Variants in CDRT4 observed in about 807,000 individuals in gnomAD.
CDRT4 encodes CMT1A duplicated region transcript 4.
For synonymous variants in CDRT4, 64 were observed against 69.6 expected (o/e 0.92, Z 0.40); for missense variants, 167 against 193.1 (o/e 0.87, Z 0.80).
chr17:15,447,052 T>G (rs1979058926), intron 2 of CDRT4, among the ~76,000 whole-genome samples: 1 of 152,154 alleles, frequency 6.6e-6, no homozygotes, highest in Non-Finnish European at 1.5e-5. Flanking sequence ...GCCTCTTACT[T>G]TGGGATCTAC....
At chr17:15,452,708 G>A (rs941037087) in intron 2 of CDRT4, 2 of 152,204 alleles carry the variant, frequency 1.3e-5, no homozygotes, top group African/African-American at 2.4e-5. Flanking sequence ...CTTCCAGGAC[G>A]GCTCCAGTGA....
rs576928505 is a variant in CDRT4, at chr17:15,437,639, C to T, written c.*134G>A. 8 of 936,472 alleles carry T rather than the reference C, an allele frequency of 8.5e-6. No individual in the cohort carries two copies. Among genetic ancestry groups the T allele is most frequent in the Admixed American group, 2.7e-5 (1 of 37,720 alleles). The allele number at this position is 936,472 out of a possible 1,614,324, so 58.0% of individuals were successfully genotyped here. On this transcript the variant is annotated 3_prime_UTR_variant, in exon 4 of 4. Transcript: ENST00000619038. ...GATCTGGTTTCTCTTAGCCAAGCTC[C>T]GCATGAGCAAGAGCAAGTTCAGATT...
chr17:15,454,257 C>A (rs771008809), intron 1 of CDRT4, among the ~76,000 whole-genome samples: 43 of 152,268 alleles, frequency 2.8e-4, no homozygotes, highest in Non-Finnish European at 5.3e-4. Context: ...CATCTGCTCA[C>A]CAAAAGGCAC....
In CDRT4 at chr17:15,436,845, G is replaced by A. The variant is rs1270208152; in HGVS notation, c.*928C>T. 6.6e-6 allele frequency: 1 copy of A among 152,236 alleles called. No individual in the cohort carries two copies. Among genetic ancestry groups the A allele is most frequent in the Non-Finnish European group, 1.5e-5 (1 of 68,066 alleles). The allele number at this position is 152,236 out of a possible 1,614,324, so 9.4% of individuals were successfully genotyped here. A position where few individuals can be genotyped will look rare whatever the true frequency, so the allele number is the denominator to read the frequency against. On this transcript the variant is annotated 3_prime_UTR_variant, in exon 4 of 4. Coordinates refer to ENST00000619038, the MANE Select transcript of CDRT4 (RefSeq NM_001204477.2). The stretch of plus-strand genomic sequence containing the variant: ...CTTCAAAATCCATCCTATGCTTGGA[G>A]ATGCTGGGGCTGGGATTCTACAAAC...
chr17:15,439,654 G>C (rs556924890), intron 3 of CDRT4, among the ~76,000 whole-genome samples: 2 of 152,088 alleles, frequency 1.3e-5, no homozygotes, highest in Non-Finnish European at 2.9e-5. Context: ...GTGGCTGCCC[G>C]CACTATTCAC....
At position 15,439,354 on chromosome 17, in the gene CDRT4, C is replaced by T. The variant is rs115137596; in HGVS notation, c.31+854G>A. Reference sequence around the variant, plus strand: ...ATTCCCACGCTGCCTCGTGGCTGTCCAGGAGCTGGAGCTTGTCTGGGGACA... The same window carrying T: ...ATTCCCACGCTGCCTCGTGGCTGTCTAGGAGCTGGAGCTTGTCTGGGGACA... On this transcript the variant is annotated intron_variant, in intron 3 of 3. Transcript: ENST00000619038. Among the ~76,000 whole-genome samples the T allele has an allele frequency of 7.2e-3, 1,101 of 152,252 alleles. 11 individuals carry two copies. Among genetic ancestry groups the T allele is most frequent in the African/African-American group, 0.025 (1,053 of 41,534 alleles).
At chr17:15,466,064 G>T (rs1445730797) in intron 1 of CDRT4, among the ~76,000 whole-genome samples, 5 of 151,910 alleles carry the variant, frequency 3.3e-5, no homozygotes, top group African/African-American at 9.7e-5. Context: ...GGAAAGGGAG[G>T]GGGAGGGAGG....
At chr17:15,453,175 C>G (rs1979338240) in intron 1 of CDRT4, 90 bp from the exon 2 acceptor site, 2 of 152,092 alleles carry the variant, frequency 1.3e-5, no homozygotes, top group Admixed American at 1.3e-4. Context: ...GGAGAATTGA[C>G]ACTTAAATAC....
chr17:15,448,207 T>C (rs1306271649), intron 2 of CDRT4, among the ~76,000 whole-genome samples: 1 of 152,170 alleles, frequency 6.6e-6, no homozygotes, highest in Non-Finnish European at 1.5e-5. Context: ...AGTGTTGTTT[T>C]GAAGAAGGTG....
At chr17:15,441,419 T>C (rs1416065466) in intron 2 of CDRT4, among the ~76,000 whole-genome samples, 1 of 152,202 alleles carries the variant, frequency 6.6e-6, no homozygotes, top group East Asian at 1.9e-4. Context: ...TAAATGATAC[T>C]GATGTTGCTG....
At chr17:15,440,125 C>G in intron 3 of CDRT4, 83 bp downstream of exon 3, 1 of 1,348,008 alleles carries the variant, frequency 7.4e-7, no homozygotes, top group Non-Finnish European at 1.0e-6. Context: ...AGTGGCCGCC[C>G]AGTGGCCTCT....
At position 15,437,240 on chromosome 17, in the gene CDRT4, C is replaced by T; in HGVS notation, c.*533G>A. 1 of 162,628 alleles carries T rather than the reference C, an allele frequency of 6.1e-6. No homozygotes were observed. 10.1% of individuals were successfully genotyped at this position (162,628 alleles called of 1,614,324 possible). On this transcript the variant is annotated 3_prime_UTR_variant, in exon 4 of 4. Transcript: ENST00000619038. ...CAGAGATACCAGCTGCATTGAGTGG[C>T]ATCCCCACTCCCCCACCTCAGAAGT...
chr17:15,464,874 G>C lies in CDRT4; in HGVS notation c.-130+2586C>G, dbSNP rs1325327227. Among the ~76,000 whole-genome samples, 1 of 152,090 alleles carries C rather than the reference G, an allele frequency of 6.6e-6. No individual in the cohort carries two copies. The highest frequency in any genetic ancestry group is 1.5e-5 in the Non-Finnish European group (1 of 68,032). On this transcript the variant is annotated intron_variant, in intron 1 of 3. Transcript: ENST00000619038. This position sits in a 1 kb window ranked among gnomAD's most constrained non-coding sequence, Gnocchi z 4.5. ...AGCCAGCACAGAAAGGAACCAGCAGGGATACGGGAACAGAGGCACAGACAT... is the reference window on the plus strand; with the variant it reads ...AGCCAGCACAGAAAGGAACCAGCAGCGATACGGGAACAGAGGCACAGACAT...
intron 2 of CDRT4, among the ~76,000 whole-genome samples, chr17:15,441,461 T>C (rs1401030039): frequency 6.6e-6 from 1 of 152,154 alleles, no homozygotes; most frequent in Non-Finnish European, 1.5e-5. Flanking sequence ...TAGCCCTGGT[T>C]TAGACTGAGT....
rs1182126724 is a variant in CDRT4 at position 15,437,375 on chromosome 17, C to A, written c.*398G>T. 1 of 234,310 alleles carries A rather than the reference C, an allele frequency of 4.3e-6. No homozygotes were observed. Among genetic ancestry groups the A allele is most frequent in the African/African-American group, 2.3e-5 (1 of 44,186 alleles). The allele number at this position is 234,310 out of a possible 1,614,324, so 14.5% of individuals were successfully genotyped here. On this transcript the variant is annotated 3_prime_UTR_variant, in exon 4 of 4. Coordinates refer to ENST00000619038, the MANE Select transcript of CDRT4 (RefSeq NM_001204477.2). ...TGATGCCTGCTTCCTGTGGTGCTAC[C>A]TCCATGGATACCTTTGTATTCCCTT...
intron 1 of CDRT4, among the ~76,000 whole-genome samples, chr17:15,462,053 C>T (rs961768759): frequency 3.3e-5 from 5 of 152,090 alleles, no homozygotes; most frequent in African/African-American, 1.2e-4. Flanking sequence ...GCATAAAAGC[C>T]AGGTGAGCAC....
In CDRT4 at chr17:15,457,854, G is replaced by A. The variant is rs116692178; in HGVS notation, c.-129-4769C>T. 7.7e-3 allele frequency among the ~76,000 whole-genome samples: 1,171 copies of A among 152,266 alleles called. 18 individuals carry two copies. The highest frequency in any genetic ancestry group is 0.026 in the African/African-American group (1,088 of 41,560). On this transcript the variant is annotated intron_variant, in intron 1 of 3. Coordinates refer to ENST00000619038, the MANE Select transcript of CDRT4 (RefSeq NM_001204477.2). Reference sequence around the variant, plus strand: ...GTGCACGGGGCTTCTCCTCTCCCAGGGAAACATGGGCAGTGTTGTCCACAG... The same window carrying A: ...GTGCACGGGGCTTCTCCTCTCCCAGAGAAACATGGGCAGTGTTGTCCACAG...
intron 2 of CDRT4, among the ~76,000 whole-genome samples, chr17:15,443,450 T>C (rs1009760960): frequency 2.0e-5 from 3 of 149,048 alleles, no homozygotes; most frequent in African/African-American, 4.9e-5. Flanking sequence ...TGGATAATTT[T>C]TTTTTTTTTT....
chr17:15,448,194 G>A lies in CDRT4; in HGVS notation c.-48+4810C>T, dbSNP rs561588974. Among the ~76,000 whole-genome samples, 2 of 152,256 alleles carry A rather than the reference G, an allele frequency of 1.3e-5. 1 individual carries two copies. The highest frequency in any genetic ancestry group is 1.3e-4 in the Admixed American group (2 of 15,308). ...AACGCTCAAAGCACTAGGAATCCAG[G>A]CCAGTGTTGTTTTGAAGAAGGTGAC... On this transcript the variant is annotated intron_variant, in intron 2 of 3. Transcript: ENST00000619038.
Sources: gnomAD v4.1 joint callset for allele counts (sites outside exome capture counted in the v4.1 genomes callset) on GRCh38, gnomAD v4.1.1 for gene constraint, Gnocchi (gnomAD v3.1) non-coding constraint, MANE v1.5 for transcripts, NCBI Gene and HGNC (gene_info 2026-07-23, HGNC 2026-07-21) for gene names.